The following SATL1 variants were observed in gnomAD, a reference collection of about 807,000 sequenced individuals.
The protein encoded by SATL1 is spermidine/spermine N(1)-acetyltransferase-like protein 1.
A neutral mutation model predicts 51.8 loss-of-function variants in SATL1; 47 were observed. That is an observed-to-expected ratio of 0.91 (90% CI 0.72 to 1.16). The LOEUF is 1.16. Ranked by LOEUF, SATL1 falls within the 50% of genes most tolerant of loss-of-function variation. The probability of loss-of-function intolerance (pLI) is 0.00; values close to 1 mark genes in which losing one functional copy is unlikely to be tolerated. For synonymous variants in SATL1, 176 were observed against 182.4 expected (o/e 0.97, Z 0.28); for missense variants, 520 against 526.4 (o/e 0.99, Z 0.12).
intron 2 of SATL1, among the ~76,000 whole-genome samples, chrX:85,201,024 G>T (rs750200215): frequency 2.7e-5 from 3 of 110,913 alleles, no homozygotes; most frequent in Non-Finnish European, 5.7e-5. Flanking sequence ...ACCTTTAGCA[G>T]ATGCGTTCAC....
Position 85,107,972 on chromosome X carries a change from G to A in SATL1, c.997C>T (p.Pro333Ser). The change falls in exon 3 of 8, where the codon CCA (proline) becomes TCA (serine). Residue 333 changes from proline to serine, a missense_variant. Pro to Ser is a moderately conservative substitution (Grantham distance 74, BLOSUM62 -1). Coordinates refer to ENST00000644105, the MANE Select transcript of SATL1 (RefSeq NM_001367857.2). ...QLGRSQPGMW[P>S]QSLSELVLSE... ...AGGACTAGTTCGCTCAGGCTTTGTG[G>A]CCACATGCCTGGTTGGCTCCTACCT... 8.3e-7 allele frequency: 1 copy of A among 1,211,447 alleles called. No individual in the cohort carries two copies. Among genetic ancestry groups the A allele is most frequent in the Non-Finnish European group, 1.1e-6 (1 of 895,433 alleles).
At chrX:85,102,968 G>T (rs1217082343) in intron 4 of SATL1, among the ~76,000 whole-genome samples, 1 of 111,402 alleles carries the variant, frequency 9.0e-6, no homozygotes, top group Non-Finnish European at 1.9e-5. Flanking sequence ...TGCTCATTTT[G>T]TTATGCTGTT....
intron 2 of SATL1, among the ~76,000 whole-genome samples, chrX:85,113,557 G>A (rs1925309299): frequency 9.0e-6 from 1 of 111,538 alleles, no homozygotes; most frequent in Non-Finnish European, 1.9e-5. Flanking sequence ...CAACTGATGA[G>A]TCTAGAGCCT....
intron 2 of SATL1, among the ~76,000 whole-genome samples, chrX:85,128,835 G>A (rs940682905): frequency 2.7e-5 from 3 of 112,000 alleles, no homozygotes; most frequent in African/African-American, 9.8e-5. Flanking sequence ...AAGGTGTAAG[G>A]AAGGGATCCA....
chrX:85,125,731 A>T (rs933881726), intron 2 of SATL1, among the ~76,000 whole-genome samples: 5 of 90,015 alleles, frequency 5.6e-5, no homozygotes, highest in African/African-American at 2.9e-4. Context: ...TATCAGATGA[A>T]AAAAATTTTT....
At position 85,094,957 on chromosome X, in the gene SATL1, T is replaced by C. The variant is rs756102531; in HGVS notation, c.1733A>G (p.Tyr578Cys). The C allele has an allele frequency of 1.8e-5, 21 of 1,181,491 alleles. No individual in the cohort carries two copies. The South Asian group carries it at 3.1e-4, about 17-fold the overall frequency. The change falls in exon 5 of 8, where the codon TAC becomes TGC. Residue 578 changes from tyrosine to cysteine, a missense_variant. Transcript: ENST00000644105. ...ATCGTTTACTTCTGCAATCAGGCAG[T>C]AGAAAAGGGGATTGTCCCCAAAGCC... ...RDGFGDNPLFYCLIAEVNDQQ... is the reference protein window; with the variant it reads ...RDGFGDNPLFCCLIAEVNDQQ...
At chrX:85,135,868 C>T (rs1470392078) in intron 2 of SATL1, among the ~76,000 whole-genome samples, 1 of 110,258 alleles carries the variant, frequency 9.1e-6, no homozygotes, top group Non-Finnish European at 1.9e-5. Context: ...GCATGAGCTA[C>T]TGTGCCCAGC....
chrX:85,161,397 T>C (rs1386726956), intron 2 of SATL1, among the ~76,000 whole-genome samples: 1 of 109,121 alleles, frequency 9.2e-6, no homozygotes, highest in Non-Finnish European at 1.9e-5. Flanking sequence ...TCCAATGGTA[T>C]GCCATCTTCC....
chrX:85,140,137 C>G (rs745606620), intron 2 of SATL1, among the ~76,000 whole-genome samples: 21 of 111,473 alleles, frequency 1.9e-4, no homozygotes, highest in Non-Finnish European at 3.4e-4. Context: ...ACCCCTACTT[C>G]CATTAACAAT....
chrX:85,178,535 C>A (rs112286985), intron 2 of SATL1, among the ~76,000 whole-genome samples: 1 of 106,482 alleles, frequency 9.4e-6, no homozygotes, highest in Non-Finnish European at 1.9e-5. Flanking sequence ...AGTAGTGCAA[C>A]ACAAGTGCCT....
At chrX:85,155,557 A>C (rs758598793) in intron 2 of SATL1, among the ~76,000 whole-genome samples, 1 of 112,333 alleles carries the variant, frequency 8.9e-6, no homozygotes, top group Non-Finnish European at 1.9e-5. Flanking sequence ...GGTTATTTAC[A>C]TGCTTTTTGG....
At chrX:85,194,685 A>G (rs1052635212) in intron 2 of SATL1, among the ~76,000 whole-genome samples, 3 of 110,855 alleles carry the variant, frequency 2.7e-5, no homozygotes, top group Non-Finnish European at 5.7e-5. Flanking sequence ...ATGGAATACC[A>G]TACAGCCATA....
chrX:85,203,135 G>T (rs1471421048), intron 2 of SATL1, among the ~76,000 whole-genome samples: 2 of 111,759 alleles, frequency 1.8e-5, no homozygotes, highest in South Asian at 7.5e-4. Flanking sequence ...GAACCTGGAG[G>T]TGTGTCACCA....
intron 2 of SATL1, among the ~76,000 whole-genome samples, chrX:85,167,756 A>C (rs771403680): frequency 9.0e-6 from 1 of 111,272 alleles, no homozygotes; most frequent in African/African-American, 3.3e-5. Context: ...ATTCCAAAAA[A>C]TTGAGGAAGA....
At chrX:85,151,905 G>T (rs1926450302) in intron 2 of SATL1, among the ~76,000 whole-genome samples, 1 of 110,995 alleles carries the variant, frequency 9.0e-6, no homozygotes, top group Non-Finnish European at 1.9e-5. Flanking sequence ...CATAGGCATG[G>T]GCAAGGACTT....
At chrX:85,103,296 A>C (rs972800784) in intron 4 of SATL1, among the ~76,000 whole-genome samples, 20 of 111,670 alleles carry the variant, frequency 1.8e-4, no homozygotes, top group African/African-American at 6.5e-4. Flanking sequence ...GAATGTTCTC[A>C]GTTTATTACA....
chrX:85,201,934 T>A (rs878925779), intron 2 of SATL1, among the ~76,000 whole-genome samples: 1 of 112,278 alleles, frequency 8.9e-6, no homozygotes, highest in African/African-American at 3.2e-5. Flanking sequence ...TTTATGTACA[T>A]GTGTCTTTAT....
intron 3 of SATL1, among the ~76,000 whole-genome samples, chrX:85,104,993 T>G (rs1291198630): frequency 1.8e-5 from 2 of 111,344 alleles, no homozygotes; most frequent in Non-Finnish European, 3.8e-5. Context: ...CATTGATCTA[T>G]CTTTCCACTA....
chrX:85,131,864 C>G (rs1345318216), intron 2 of SATL1, among the ~76,000 whole-genome samples: 8 of 111,646 alleles, frequency 7.2e-5, no homozygotes, highest in African/African-American at 2.6e-4. Flanking sequence ...AATCTCTCAG[C>G]ATTTGCTTGT....
Sources: allele counts gnomAD v4.1 joint callset (sites outside exome capture counted in the v4.1 genomes callset), GRCh38; gene constraint gnomAD v4.1.1; transcripts MANE v1.5; gene names NCBI Gene and HGNC (gene_info 2026-07-23, HGNC 2026-07-21).